CPQ: variants seen among roughly 807,000 people sequenced by gnomAD.
CPQ encodes Ser-Met dipeptidase.
A neutral mutation model predicts 45.7 loss-of-function variants in CPQ; 37 were observed. The observed-to-expected ratio is 0.81, with a 90% CI of 0.62 to 1.07. The LOEUF is 1.07. Ranked by LOEUF, CPQ falls within the 50% of genes least tolerant of loss-of-function variation. The pLI is 0.00. For synonymous variants in CPQ, 186 were observed against 205.8 expected, an observed-to-expected ratio of 0.90 and a Z score of 0.82; for missense variants, 537 against 572.9, an observed-to-expected ratio of 0.94 and a Z score of 0.64.
At chr8:97,069,737 C>CT (rs921631755) in intron 7 of CPQ, among the ~76,000 whole-genome samples, 4 of 151,856 alleles carry the variant, frequency 2.6e-5, no homozygotes, top group African/African-American at 4.8e-5. Flanking sequence ...TTTTTTCTTT[C>CT]TTTTTTTCTT....
intron 6 of CPQ, among the ~76,000 whole-genome samples, chr8:97,063,585 G>C (rs1436566842): frequency 6.6e-6 from 1 of 151,850 alleles, no homozygotes; most frequent in African/African-American, 2.4e-5. Flanking sequence ...TTGTCTTCTG[G>C]GTTTTTATAG....
At position 96,744,516 on chromosome 8, in the gene CPQ, A is replaced by G. The variant is rs113803807; in HGVS notation, c.-34-40348A>G. Among the ~76,000 whole-genome samples, 183 of 152,262 alleles carry G rather than the reference A, an allele frequency of 1.2e-3. 1 individual carries two copies. Among genetic ancestry groups the G allele is most frequent in the African/African-American group, 3.5e-3 (146 of 41,556 alleles). ...TGGCTCCTCCTCCTAGTTATTCCAT[A>G]TGTAAATTGTTATATCTTCTTGATG... On this transcript the variant is annotated intron_variant, in intron 1 of 7. Transcript: ENST00000220763.
At chr8:96,713,869 GAA>G (rs1192504296) in intron 1 of CPQ, among the ~76,000 whole-genome samples, 3 of 152,162 alleles carry the variant, frequency 2.0e-5, no homozygotes, top group African/African-American at 7.2e-5. Context: ...TTGGTTGTTT[GAA>G]AAAGACTATT....
intron 1 of CPQ, among the ~76,000 whole-genome samples, chr8:96,676,874 T>C (rs1809083048): frequency 6.6e-6 from 1 of 152,050 alleles, no homozygotes; most frequent in South Asian, 2.1e-4. Context: ...ATCATTCTTA[T>C]GCCTTTGCAT....
chr8:96,800,272 A>G (rs985796042), intron 2 of CPQ, among the ~76,000 whole-genome samples: 9 of 152,210 alleles, frequency 5.9e-5, no homozygotes, highest in African/African-American at 2.2e-4. Context: ...ACTCATTAGT[A>G]ATAAGTACAA....
At chr8:97,045,203 C>T (rs781663167) in intron 6 of CPQ, among the ~76,000 whole-genome samples, 208 of 152,318 alleles carry the variant, frequency 1.4e-3, no homozygotes, top group Non-Finnish European at 1.4e-3. Context: ...GGGCGCCCCT[C>T]CCCCAGCCTC....
chr8:96,850,085 C>A (rs1811750590), intron 3 of CPQ, among the ~76,000 whole-genome samples: 1 of 152,082 alleles, frequency 6.6e-6, no homozygotes, highest in South Asian at 2.1e-4. Flanking sequence ...TCCGTAGGTC[C>A]CCCCTAAATT....
chr8:96,934,400 C>T (rs1274210111), intron 4 of CPQ, among the ~76,000 whole-genome samples: 1 of 152,088 alleles, frequency 6.6e-6, no homozygotes, highest in African/African-American at 2.4e-5. Flanking sequence ...GCATTCCAGG[C>T]AGGGGCATGA....
At chr8:96,672,946 T>C in intron 1 of CPQ, among the ~76,000 whole-genome samples, 1 of 152,098 alleles carries the variant, frequency 6.6e-6, no homozygotes. Flanking sequence ...ATCACCCAAA[T>C]AGCAAACATT....
rs147299920 is a variant in CPQ at position 96,837,235 on chromosome 8, T to C, written c.641+2055T>C. On this transcript the variant is annotated intron_variant, in intron 3 of 7. Coordinates refer to ENST00000220763, the MANE Select transcript of CPQ (RefSeq NM_016134.4). ...TTGTCTACTTCTAGCTTATTGTTTT[T>C]AGAACCAAATTTCTTTGATGAGTAT... Among the ~76,000 whole-genome samples the C allele has an allele frequency of 3.6e-3, 556 of 152,356 alleles. 3 individuals carry two copies. The highest frequency in any genetic ancestry group is 0.013 in the African/African-American group (529 of 41,590).
At chr8:96,811,849 G>C (rs371086342) in intron 2 of CPQ, among the ~76,000 whole-genome samples, 18 of 152,220 alleles carry the variant, frequency 1.2e-4, no homozygotes, top group East Asian at 5.8e-4. Flanking sequence ...CAATACTTAT[G>C]CTTATTTATG....
intron 7 of CPQ, among the ~76,000 whole-genome samples, chr8:97,108,960 C>CTGAA (rs748143748): frequency 1.3e-5 from 2 of 152,198 alleles, no homozygotes; most frequent in Non-Finnish European, 2.9e-5. Flanking sequence ...ATGTCACCAC[C>CTGAA]GTTCAGCTCA....
chr8:97,117,560 A>T (rs1272639065), intron 7 of CPQ, among the ~76,000 whole-genome samples: 1 of 151,778 alleles, frequency 6.6e-6, no homozygotes, highest in African/African-American at 2.4e-5. Flanking sequence ...TTGAGACAGG[A>T]TCTTGCCCTG....
At chr8:96,674,743 C>T (rs1364186765) in intron 1 of CPQ, among the ~76,000 whole-genome samples, 1 of 151,998 alleles carries the variant, frequency 6.6e-6, no homozygotes, top group Admixed American at 6.6e-5. Flanking sequence ...ATCTTATTTT[C>T]GTTTTGTTTT....
At chr8:97,019,404 G>A (rs1402543129) in intron 5 of CPQ, among the ~76,000 whole-genome samples, 1 of 152,146 alleles carries the variant, frequency 6.6e-6, no homozygotes, top group Non-Finnish European at 1.5e-5. Context: ...GAATGTAAAT[G>A]GCCTAAATGC....
chr8:96,724,472 G>T (rs1472917847), intron 1 of CPQ, among the ~76,000 whole-genome samples: 1 of 148,308 alleles, frequency 6.7e-6, no homozygotes, highest in African/African-American at 2.5e-5. Flanking sequence ...AGTCAAGAAT[G>T]CAGTCCCATT....
intron 2 of CPQ, among the ~76,000 whole-genome samples, chr8:96,805,599 A>G (rs1488497162): frequency 6.6e-6 from 1 of 152,002 alleles, no homozygotes; most frequent in African/African-American, 2.4e-5. Flanking sequence ...TTTTTCATGT[A>G]TGTAATGTTT....
At chr8:96,818,906 A>C (rs1180056183) in intron 2 of CPQ, among the ~76,000 whole-genome samples, 1 of 152,024 alleles carries the variant, frequency 6.6e-6, no homozygotes, top group African/African-American at 2.4e-5. Flanking sequence ...CAAATCCTTC[A>C]ATGTAAACTG....
At chr8:96,648,395 C>A (rs536001625) in intron 1 of CPQ, among the ~76,000 whole-genome samples, 1 of 152,296 alleles carries the variant, frequency 6.6e-6, no homozygotes, top group Non-Finnish European at 1.5e-5. Flanking sequence ...CTCCCTAAAC[C>A]ACTTAGCTTT....
Sources: gnomAD v4.1 joint callset for allele counts (sites outside exome capture counted in the v4.1 genomes callset) on GRCh38, gnomAD v4.1.1 for gene constraint, MANE v1.5 for transcripts, NCBI Gene and HGNC (gene_info 2026-07-23, HGNC 2026-07-21) for gene names.